The following GSE1 variants were observed in gnomAD, a reference collection of about 807,000 sequenced individuals.
GSE1 encodes Gse1 coiled-coil protein.
GSE1 carries 32 observed loss-of-function variants against 112.6 expected under a neutral mutation model. The observed-to-expected ratio is 0.28, with a 90% CI of 0.21 to 0.38. The LOEUF (loss-of-function observed/expected upper bound fraction) is 0.38. GSE1 is among the 10% of genes least tolerant of loss of function. The pLI is 1.00. For synonymous variants in GSE1, 1,115 were observed against 735.6 expected (o/e 1.52, Z -8.35); for missense variants, 2,348 against 1,699.2 (o/e 1.38, Z -6.71).
At chr16:85,353,160 A>C (rs1273128701) in intron 1 of GSE1, among the ~76,000 whole-genome samples, 1 of 152,202 alleles carries the variant, frequency 6.6e-6, no homozygotes, top group Non-Finnish European at 1.5e-5. Flanking sequence ...TCAACCGTGG[A>C]GGAACCCGCC....
intron 1 of GSE1, among the ~76,000 whole-genome samples, chr16:85,621,466 T>G (rs962458870): frequency 2.0e-5 from 3 of 152,240 alleles, no homozygotes; most frequent in African/African-American, 7.2e-5. Flanking sequence ...TACAGTCTTA[T>G]CGTTTTACAA....
intron 2 of GSE1, among the ~76,000 whole-genome samples, chr16:85,369,236 G>C (rs1423533500): frequency 6.7e-6 from 1 of 149,842 alleles, no homozygotes; most frequent in East Asian, 2.0e-4. Context: ...TTTTTTTTGA[G>C]ACAGGATCTC....
At chr16:85,338,691 T>A (rs896909822) in intron 1 of GSE1, among the ~76,000 whole-genome samples, 6 of 152,222 alleles carry the variant, frequency 3.9e-5, no homozygotes, top group African/African-American at 1.4e-4. Context: ...TACACCCATC[T>A]TGAGTCACTT....
chr16:85,582,741 AC>A (rs1236829093), intron 1 of GSE1, among the ~76,000 whole-genome samples: 3 of 149,306 alleles, frequency 2.0e-5, no homozygotes, highest in Non-Finnish European at 4.5e-5. Flanking sequence ...ATCCTGCACA[AC>A]CCCCCCTCGC....
chr16:85,443,751 A>AGGGACCTC (rs1361460503), intron 2 of GSE1, among the ~76,000 whole-genome samples: 1 of 152,154 alleles, frequency 6.6e-6, no homozygotes, highest in Admixed American at 6.5e-5. Flanking sequence ...TGGCTGACAG[A>AGGGACCTC]GGGACCTCGG....
At chr16:85,533,898 GGGT>G (rs921454406) in intron 2 of GSE1, among the ~76,000 whole-genome samples, 4 of 151,978 alleles carry the variant, frequency 2.6e-5, no homozygotes, top group African/African-American at 9.7e-5. Flanking sequence ...CATTATTGAG[GGGT>G]GGTTTGCATT....
chr16:85,319,256 A>T (rs1012137728), intron 1 of GSE1, among the ~76,000 whole-genome samples: 1 of 152,244 alleles, frequency 6.6e-6, no homozygotes, highest in Non-Finnish European at 1.5e-5. Context: ...CTGGAAAAGT[A>T]GGCGTGTGAC....
chr16:85,662,598 C>T (rs73253239), intron 9 of GSE1: 8,314 of 201,902 alleles, frequency 0.041, 770 homozygotes, highest in African/African-American at 0.18. Context: ...GTGCCTGTCT[C>T]CTCCCAGGAG....
chr16:85,177,184 AG>A (rs2074485070), intron 1 of GSE1, among the ~76,000 whole-genome samples: 1 of 152,234 alleles, frequency 6.6e-6, no homozygotes, highest in Non-Finnish European at 1.5e-5. Context: ...AGGAGGGGGA[AG>A]GGGTGAGGCT....
At chr16:85,558,041 C>T (rs1598174926) in intron 1 of GSE1, among the ~76,000 whole-genome samples, 1 of 151,646 alleles carries the variant, frequency 6.6e-6, no homozygotes, top group African/African-American at 2.4e-5. Flanking sequence ...CCTCCCCTAG[C>T]GGATCCAATC....
At chr16:85,233,794 C>T (rs956306954) in intron 1 of GSE1, among the ~76,000 whole-genome samples, 20 of 152,184 alleles carry the variant, frequency 1.3e-4, no homozygotes, top group African/African-American at 4.3e-4. Context: ...TGCTGGCCTC[C>T]TGGCTGGACC....
intron 2 of GSE1, among the ~76,000 whole-genome samples, chr16:85,467,401 A>T (rs969765997): frequency 3.3e-5 from 5 of 152,212 alleles, no homozygotes; most frequent in Non-Finnish European, 7.4e-5. Flanking sequence ...GTAAAACAAG[A>T]ACACAAATTT....
intron 1 of GSE1, among the ~76,000 whole-genome samples, chr16:85,256,005 C>T (rs1907038345): frequency 6.6e-6 from 1 of 152,252 alleles, no homozygotes; most frequent in East Asian, 1.9e-4. Context: ...ACTTCTCAAT[C>T]CTGCGTGACC....
intron 2 of GSE1, among the ~76,000 whole-genome samples, chr16:85,495,005 C>G (rs2051125942): frequency 6.6e-6 from 1 of 150,946 alleles, no homozygotes; most frequent in African/African-American, 2.4e-5. Flanking sequence ...GGGCAGAGCC[C>G]TGCTGGGTCC....
intron 1 of GSE1, among the ~76,000 whole-genome samples, chr16:85,243,981 C>T (rs1905377953): frequency 6.6e-6 from 1 of 152,146 alleles, no homozygotes. Flanking sequence ...ACAAAATTAG[C>T]CAGGTGTGGT....
At chr16:85,636,762 G>GC (rs530620433) in intron 2 of GSE1, among the ~76,000 whole-genome samples, 76 of 152,166 alleles carry the variant, frequency 5.0e-4, no homozygotes, top group Non-Finnish European at 1.0e-3. Context: ...TGGAAAGGAA[G>GC]CCCCCCTCAC....
chr16:85,320,458 G>GTTTTT (rs1007426388), intron 1 of GSE1, among the ~76,000 whole-genome samples: 3 of 151,876 alleles, frequency 2.0e-5, no homozygotes, highest in African/African-American at 7.3e-5. Context: ...GTTTTGTTTT[G>GTTTTT]TTTTGTTTTG....
chr16:85,500,848 C>A (rs1039933646), intron 2 of GSE1, among the ~76,000 whole-genome samples: 2 of 152,168 alleles, frequency 1.3e-5, no homozygotes, highest in African/African-American at 4.8e-5. Flanking sequence ...AAGGGAGGAT[C>A]CTTCTTCGCC....
At chr16:85,344,180 C>T (rs950903543) in intron 1 of GSE1, among the ~76,000 whole-genome samples, 1 of 152,126 alleles carries the variant, frequency 6.6e-6, no homozygotes, top group Non-Finnish European at 1.5e-5. Flanking sequence ...GGGTGGGATG[C>T]GGCCAGCCCT....
Sources: allele counts gnomAD v4.1 joint callset (sites outside exome capture counted in the v4.1 genomes callset), GRCh38; gene constraint gnomAD v4.1.1; transcripts MANE v1.5; gene names NCBI Gene and HGNC (gene_info 2026-07-23, HGNC 2026-07-21).